SACS: variants seen among roughly 807,000 people sequenced by gnomAD.
SACS encodes sacsin.
A neutral mutation model predicts 348.0 loss-of-function variants in SACS; 197 were observed. The ratio of observed to expected loss-of-function variants is 0.57; its 90% CI spans 0.50 to 0.64. The LOEUF is 0.64. Ranked by LOEUF, SACS falls within the 30% of genes least tolerant of loss-of-function variation. The pLI, the probability that SACS is intolerant of heterozygous loss-of-function variation, is 0.00. For synonymous variants in SACS, 1,985 were observed against 1,910.6 expected (o/e 1.04, Z -1.02); for missense variants, 4,999 against 5,360.8 (o/e 0.93, Z 2.11).
At chr13:23,372,224 A>G (rs1196674721) in intron 3 of SACS, among the ~76,000 whole-genome samples, 1 of 152,228 alleles carries the variant, frequency 6.6e-6, no homozygotes, top group African/African-American at 2.4e-5. Flanking sequence ...GACCTGTAAT[A>G]GCATACTCAG....
At chr13:23,357,321 A>G (rs1413885596) in intron 7 of SACS, among the ~76,000 whole-genome samples, 1 of 152,188 alleles carries the variant, frequency 6.6e-6, no homozygotes, top group African/African-American at 2.4e-5. Flanking sequence ...TTCATAGATA[A>G]TAGTCATATT....
rs373982540 is a variant in SACS, at chr13:23,337,499, A to C, written c.6377T>G (p.Ile2126Ser). 3 of 1,613,848 alleles carry C rather than the reference A, an allele frequency of 1.9e-6. No homozygotes were observed. Among genetic ancestry groups the C allele is most frequent in the African/African-American group, 1.3e-5 (1 of 74,932 alleles). The change falls in exon 10 of 10, where the codon ATT becomes AGT. Residue 2126 changes from isoleucine to serine, a missense_variant. Ile to Ser is a moderately radical substitution (Grantham distance 142). Around this residue, in one of 6 missense-constraint regions of SACS, gnomAD observed 3,156 missense variants for 3,380.1 expected, o/e 0.93. Coordinates refer to ENST00000382292, the MANE Select transcript of SACS (RefSeq NM_014363.6). ...PEGRVAKLFDIKDGRFPYGST... is the reference protein window; with the variant it reads ...PEGRVAKLFDSKDGRFPYGST... ...ACCATAAGGGAATCTCCCATCTTTA[A>C]TATCAAATAACTTTGCAACTCGTCC...
intron 6 of SACS, among the ~76,000 whole-genome samples, chr13:23,360,620 G>A (rs1032399374): frequency 2.8e-4 from 42 of 152,126 alleles, no homozygotes; most frequent in African/African-American, 9.7e-4. Flanking sequence ...ACAGCTGACC[G>A]CTGACCCCTT....
chr13:23,388,130 A>G (rs1400473155), intron 2 of SACS, among the ~76,000 whole-genome samples: 1 of 152,158 alleles, frequency 6.6e-6, no homozygotes, highest in Non-Finnish European at 1.5e-5. Context: ...CATTATATCA[A>G]AAAGACACCT....
At chr13:23,395,301 C>T (rs923500091) in intron 2 of SACS, among the ~76,000 whole-genome samples, 1 of 152,172 alleles carries the variant, frequency 6.6e-6, no homozygotes, top group African/African-American at 2.4e-5. Context: ...TGGCTGTATG[C>T]TCCACCACTA....
intron 1 of SACS, chr13:23,428,665 T>C (rs1874294793): frequency 6.6e-6 from 1 of 152,204 alleles, no homozygotes; most frequent in Admixed American, 6.5e-5. Flanking sequence ...GATTTCGATG[T>C]AAAATGTACA....
rs559709661 is a variant in SACS at position 23,432,426 on chromosome 13, A to G, written c.-502+1189T>C. On this transcript the variant is annotated intron_variant, in intron 1 of 9. Transcript: ENST00000382292. ...CCAAACAGCCCAGGAAGGAGAAGAA[A>G]GGATGAAAGGGACGGCTAAGGAGGA... is the stretch of plus-strand genomic sequence containing the variant. Among the ~76,000 whole-genome samples, 6 of 152,322 alleles carry G rather than the reference A, an allele frequency of 3.9e-5. No homozygotes were observed. In the South Asian group the frequency reaches 1.2e-3, roughly 32 times the overall value.
chr13:23,358,375 T>G lies in SACS; in HGVS notation c.564A>C (p.Gly188=). The change falls in exon 7 of 10, where the codon GGA becomes GGC. Residue 188 remains glycine, a synonymous_variant. Coordinates refer to ENST00000382292, the MANE Select transcript of SACS (RefSeq NM_014363.6). ...SRKKDDPLKV[G]RFGIGFNSVY... The stretch of plus-strand genomic sequence containing the variant: ...CAGAATTAAACCCAATTCCAAATCT[T>G]CCGACCTTCAGAGGATCATCCTTTT... The G allele has an allele frequency of 1.2e-6, 2 of 1,614,220 alleles. No homozygotes were observed. The highest frequency in any genetic ancestry group is 1.7e-6 in the Non-Finnish European group (2 of 1,180,032).
chr13:23,432,156 C>A (rs999310510), intron 1 of SACS, among the ~76,000 whole-genome samples: 3 of 152,190 alleles, frequency 2.0e-5, no homozygotes, highest in African/African-American at 7.2e-5. Flanking sequence ...CTTCTGGGGG[C>A]AAGTCCTGCG....
intron 6 of SACS, among the ~76,000 whole-genome samples, chr13:23,363,640 T>C (rs565895679): frequency 6.6e-6 from 1 of 152,332 alleles, no homozygotes; most frequent in African/African-American, 2.4e-5. Context: ...AAGTCAAGGC[T>C]AGAAGCAAAA....
At chr13:23,388,494 T>C (rs1872396685) in intron 2 of SACS, among the ~76,000 whole-genome samples, 1 of 146,734 alleles carries the variant, frequency 6.8e-6, no homozygotes, top group Non-Finnish European at 1.5e-5. Flanking sequence ...TGTGTATATA[T>C]ATATATATAT....
At position 23,336,011 on chromosome 13, in the gene SACS, T is replaced by C. The variant is rs1868558042; in HGVS notation, c.7865A>G (p.Tyr2622Cys). Reference protein sequence around the residue: ...KEGNPYKTGQYGIGFNSVYHI... With the variant: ...KEGNPYKTGQCGIGFNSVYHI... ...ATACACAGAATTGAATCCTATTCCA[T>C]ACTGTCCAGTTTTATAAGGATTTCC... Residue 2622 changes from tyrosine to cysteine, a missense_variant, in exon 10 of 10, where the codon TAT becomes TGT. By Grantham distance (194) the Tyr-to-Cys change is radical. Transcript: ENST00000382292. The C allele has an allele frequency of 6.2e-7, 1 of 1,613,138 alleles. No individual in the cohort carries two copies. The highest frequency in any genetic ancestry group is 1.3e-5 in the African/African-American group (1 of 75,038).
chr13:23,391,426 C>T (rs1274905286), intron 2 of SACS, among the ~76,000 whole-genome samples: 1 of 152,126 alleles, frequency 6.6e-6, no homozygotes, highest in Non-Finnish European at 1.5e-5. Context: ...GGAGTTGGCC[C>T]ATAAGGAGTC....
intron 2 of SACS, among the ~76,000 whole-genome samples, chr13:23,381,476 A>G (rs573147787): frequency 4.6e-5 from 7 of 152,212 alleles, no homozygotes; most frequent in Non-Finnish European, 8.8e-5. Flanking sequence ...TAGCCTGCAC[A>G]GGATCAATAC....
chr13:23,381,658 T>C (rs755712351), intron 2 of SACS, among the ~76,000 whole-genome samples: 2 of 152,184 alleles, frequency 1.3e-5, no homozygotes, highest in Non-Finnish European at 2.9e-5. Context: ...ACTAACATCC[T>C]CTGGTCAGAA....
chr13:23,343,645 C>T (rs1291959470), intron 9 of SACS, among the ~76,000 whole-genome samples: 1 of 152,170 alleles, frequency 6.6e-6, no homozygotes, highest in Non-Finnish European at 1.5e-5. Context: ...GATTGCGCCA[C>T]TGCACTCCAG....
chr13:23,335,409 T>A lies in SACS; in HGVS notation c.8467A>T (p.Arg2823Ter). Residue 2823 changes from arginine (R) to a stop codon, truncating the protein, a stop_gained, in exon 10 of 10, where the codon AGA becomes TGA. Coordinates refer to ENST00000382292, the MANE Select transcript of SACS (RefSeq NM_014363.6). LOFTEE classifies it high-confidence loss of function. The surrounding 1 kb of genome is among the most constrained non-coding windows in gnomAD (Gnocchi z 4.7). ...TTCTCCATACTTGAAAAGCCTGATC[T>A]ATTACAAATTAGCCACGTAGTAAGA... ...GNLTTWLICN[R>*]SGFSSMEKVS... is the part of the protein sequence containing the mutation. 1 of 1,613,944 alleles carries A rather than the reference T, an allele frequency of 6.2e-7. No homozygotes were observed. Among genetic ancestry groups the A allele is most frequent in the Non-Finnish European group, 8.5e-7 (1 of 1,179,878 alleles).
intron 1 of SACS, among the ~76,000 whole-genome samples, chr13:23,414,100 C>G (rs1321197504): frequency 1.3e-5 from 2 of 152,084 alleles, no homozygotes; most frequent in Non-Finnish European, 2.9e-5. Context: ...GTCAGGAGAT[C>G]CAGACCATCC....
intron 2 of SACS, among the ~76,000 whole-genome samples, chr13:23,393,569 C>T (rs192850234): frequency 6.6e-6 from 1 of 152,232 alleles, no homozygotes; most frequent in African/African-American, 2.4e-5. Flanking sequence ...GAACACTGGA[C>T]TCTGCTCTAC....
Sources: gnomAD v4.1 joint callset for allele counts (sites outside exome capture counted in the v4.1 genomes callset) on GRCh38, gnomAD v4.1.1 for gene constraint, gnomAD v4.1.1 regional missense constraint, Gnocchi (gnomAD v3.1) non-coding constraint, MANE v1.5 for transcripts, NCBI Gene and HGNC (gene_info 2026-07-23, HGNC 2026-07-21) for gene names.